DPYSL3: variants seen among roughly 807,000 people sequenced by gnomAD.
DPYSL3 encodes the protein dihydropyrimidinase-related protein 3.
DPYSL3 carries 16 observed loss-of-function variants against 66.1 expected under a neutral mutation model. The ratio of observed to expected loss-of-function variants is 0.24; its 90% confidence interval spans 0.16 to 0.37. The LOEUF is 0.37. DPYSL3 is among the 10% of genes least tolerant of loss of function. The pLI, the probability that DPYSL3 is intolerant of heterozygous loss-of-function variation, is 1.00. For synonymous variants in DPYSL3, 338 were observed against 345.1 expected, an observed-to-expected ratio of 0.98 and a Z score of 0.23; for missense variants, 738 against 916.2, an observed-to-expected ratio of 0.81 and a Z score of 2.51.
intron 1 of DPYSL3, among the ~76,000 whole-genome samples, chr5:147,465,116 C>T (rs977092261): frequency 6.6e-6 from 1 of 152,166 alleles, no homozygotes; most frequent in Non-Finnish European, 1.5e-5. Flanking sequence ...ATTAGTTGAG[C>T]CCAGGAGGTC....
At chr5:147,417,426 C>T (rs1040802888) in intron 3 of DPYSL3, among the ~76,000 whole-genome samples, 5 of 152,206 alleles carry the variant, frequency 3.3e-5, no homozygotes, top group South Asian at 2.1e-4. Flanking sequence ...CCCTGAATTG[C>T]ACCTTTTATG....
intron 1 of DPYSL3, among the ~76,000 whole-genome samples, chr5:147,452,377 G>T (rs994785017): frequency 6.6e-6 from 1 of 151,676 alleles, no homozygotes. Context: ...GCCTCCCAGG[G>T]GCCAGCTGAT....
chr5:147,470,798 CA>C (rs1488760156), intron 1 of DPYSL3, among the ~76,000 whole-genome samples: 1 of 152,150 alleles, frequency 6.6e-6, no homozygotes, highest in African/African-American at 2.4e-5. Flanking sequence ...TGGGAAACTC[CA>C]AACAATCCTT....
At chr5:147,435,184 C>A (rs558649885) in intron 1 of DPYSL3, among the ~76,000 whole-genome samples, 1 of 152,278 alleles carries the variant, frequency 6.6e-6, no homozygotes, top group South Asian at 2.1e-4. Flanking sequence ...TCCACAGAGG[C>A]CTTGCCTAAG....
At chr5:147,445,288 C>A (rs1752611105) in intron 1 of DPYSL3, among the ~76,000 whole-genome samples, 1 of 152,144 alleles carries the variant, frequency 6.6e-6, no homozygotes. Context: ...CAGGTCAGGC[C>A]CTGCATTACA....
intron 1 of DPYSL3, among the ~76,000 whole-genome samples, chr5:147,461,094 C>A (rs933074044): frequency 6.6e-6 from 1 of 152,106 alleles, no homozygotes; most frequent in Non-Finnish European, 1.5e-5. Context: ...GAAGCTTGCA[C>A]GGGTGAATGC....
intron 2 of DPYSL3, among the ~76,000 whole-genome samples, chr5:147,420,556 A>C (rs1383785125): frequency 6.6e-6 from 1 of 152,222 alleles, no homozygotes; most frequent in African/African-American, 2.4e-5. Context: ...ACATAGCATG[A>C]GTCCAATATC....
chr5:147,445,120 A>G (rs745789662), intron 1 of DPYSL3, among the ~76,000 whole-genome samples: 8 of 152,220 alleles, frequency 5.3e-5, no homozygotes, highest in Non-Finnish European at 1.0e-4. Flanking sequence ...CATTTGCAGT[A>G]AGAGAAATGA....
At chr5:147,409,775 G>A (rs1027984082) in intron 6 of DPYSL3, among the ~76,000 whole-genome samples, 8 of 152,162 alleles carry the variant, frequency 5.3e-5, no homozygotes, top group African/African-American at 1.9e-4. Context: ...TGACCTGGGA[G>A]TACTCTGGTA....
chr5:147,509,922 C>A lies in DPYSL3; in HGVS notation c.-64G>T. The A allele has an allele frequency of 6.9e-7, 1 of 1,453,912 alleles. No homozygotes were observed. 90.1% of individuals were successfully genotyped at this position (1,453,912 alleles called of 1,614,324 possible). Reference sequence around the variant, plus strand: ...CAGAGGCGGAAAGGGCAGCCGCCGGCAGCGTGCGCCGAGCCACAGTGACTG... The same window carrying A: ...CAGAGGCGGAAAGGGCAGCCGCCGGAAGCGTGCGCCGAGCCACAGTGACTG... On this transcript the variant is annotated 5_prime_UTR_variant, in exon 1 of 14. Transcript: ENST00000343218. The surrounding 1 kb of genome is among the most constrained non-coding windows in gnomAD (Gnocchi z 5.3).
At chr5:147,404,108 C>T (rs1758271834) in intron 8 of DPYSL3, among the ~76,000 whole-genome samples, 1 of 152,142 alleles carries the variant, frequency 6.6e-6, no homozygotes, top group African/African-American at 2.4e-5. Context: ...AGTTCCTACA[C>T]ACTTCTTCTT....
chr5:147,494,054 G>A (rs1255813609), intron 1 of DPYSL3, among the ~76,000 whole-genome samples: 1 of 152,036 alleles, frequency 6.6e-6, no homozygotes, highest in African/African-American at 2.4e-5. Context: ...TTATCCTGGC[G>A]TGGTGGCAGG....
intron 1 of DPYSL3, among the ~76,000 whole-genome samples, chr5:147,445,159 G>T (rs1419542922): frequency 6.6e-6 from 1 of 152,150 alleles, no homozygotes; most frequent in African/African-American, 2.4e-5. Flanking sequence ...TAAGTATCCA[G>T]GTAGGCCCCT....
chr5:147,453,698 G>C (rs1752788974), intron 1 of DPYSL3: 2 of 1,348,824 alleles, frequency 1.5e-6, no homozygotes, highest in Non-Finnish European at 1.9e-6. Flanking sequence ...TGAATGGTGC[G>C]CTGGCCGCGC....
At chr5:147,453,414 C>G (rs1224985469) in intron 1 of DPYSL3, 17 of 1,319,346 alleles carry the variant, frequency 1.3e-5, no homozygotes, top group Middle Eastern at 2.8e-4. Context: ...CCGCGCTCCG[C>G]CACCCGGACC....
intron 1 of DPYSL3, among the ~76,000 whole-genome samples, chr5:147,483,196 A>G (rs1296574370): frequency 1.3e-5 from 2 of 152,232 alleles, no homozygotes; most frequent in East Asian, 1.9e-4. Flanking sequence ...ATATGATCAA[A>G]TTTACATGGT....
At chr5:147,412,881 A>G (rs1751886444) in intron 5 of DPYSL3, among the ~76,000 whole-genome samples, 193 bp from the exon 6 acceptor site, 1 of 152,202 alleles carries the variant, frequency 6.6e-6, no homozygotes, top group Non-Finnish European at 1.5e-5. Flanking sequence ...AACTCTGACT[A>G]TATAAAGAAC....
At chr5:147,417,012 T>C (rs1751984149) in intron 3 of DPYSL3, among the ~76,000 whole-genome samples, 1 of 152,218 alleles carries the variant, frequency 6.6e-6, no homozygotes, top group Non-Finnish European at 1.5e-5. Flanking sequence ...TTTAAAAATG[T>C]GTACAATATA....
In DPYSL3 at chr5:147,406,064, A is replaced by G. The variant is rs3816012; in HGVS notation, c.1033-334T>C. The G allele has an allele frequency of 0.013, 2,366 of 180,608 alleles. 145 individuals are homozygous for G. The East Asian group carries it at 0.17, about 13-fold the overall frequency. The allele number at this position is 180,608 out of a possible 1,614,324, so 11.2% of individuals were successfully genotyped here. A position where few individuals can be genotyped will look rare whatever the true frequency, so the allele number is the denominator to read the frequency against. On this transcript the variant is annotated intron_variant, in intron 7 of 13. Transcript: ENST00000343218. The stretch of plus-strand genomic sequence containing the variant: ...TCTGAATGAAAGCCTTTGCTCCTCA[A>G]TCTTCTCAGGACAGAATCTCTGGGC...
Sources: gnomAD v4.1 joint callset for allele counts (sites outside exome capture counted in the v4.1 genomes callset) on GRCh38, gnomAD v4.1.1 for gene constraint, Gnocchi (gnomAD v3.1) non-coding constraint, MANE v1.5 for transcripts, NCBI Gene and HGNC (gene_info 2026-07-23, HGNC 2026-07-21) for gene names.